Variants in NSD3 observed in about 807,000 individuals in gnomAD.
NSD3 encodes nuclear receptor binding SET domain protein 3.
In NSD3, 24 loss-of-function variants were observed where a neutral mutation model predicts 160.8. That is an observed-to-expected ratio of 0.15 (90% confidence interval 0.11 to 0.21). The LOEUF (loss-of-function observed/expected upper bound fraction) is 0.21. Ranked by LOEUF, NSD3 falls within the 10% of genes least tolerant of loss-of-function variation. The pLI, the probability that NSD3 is intolerant of heterozygous loss-of-function variation, is 1.00. For synonymous variants in NSD3, 520 were observed against 600.0 expected, an observed-to-expected ratio of 0.87 and a Z score of 1.95; for missense variants, 1,157 against 1,735.9, an observed-to-expected ratio of 0.67 and a Z score of 5.93.
chr8:38,287,153 A>G (rs1019194729), intron 19 of NSD3, among the ~76,000 whole-genome samples: 3 of 152,240 alleles, frequency 2.0e-5, no homozygotes, highest in African/African-American at 7.2e-5. Flanking sequence ...GACCTACAGA[A>G]ATAGATGCAC....
chr8:38,343,519 A>G (rs976778604), intron 2 of NSD3, among the ~76,000 whole-genome samples: 1 of 152,188 alleles, frequency 6.6e-6, no homozygotes. Flanking sequence ...CCTGGCCAAC[A>G]TAATGAAACC....
At chr8:38,374,330 C>T (rs1811334809) in intron 1 of NSD3, among the ~76,000 whole-genome samples, 1 of 151,948 alleles carries the variant, frequency 6.6e-6, no homozygotes, top group Admixed American at 6.6e-5. Flanking sequence ...ATGTATATAA[C>T]TTACACCAAA....
chr8:38,331,827 T>TCAAAACAAAA (rs150155803), intron 4 of NSD3, among the ~76,000 whole-genome samples: 16 of 152,198 alleles, frequency 1.1e-4, no homozygotes, highest in African/African-American at 3.6e-4. Context: ...GACTCTTGTC[T>TCAAAACAAAA]CAAAACAAAA....
chr8:38,314,364 C>G (rs1473273672), intron 12 of NSD3, among the ~76,000 whole-genome samples: 1 of 152,184 alleles, frequency 6.6e-6, no homozygotes, highest in Non-Finnish European at 1.5e-5. Context: ...TCAAATCCAT[C>G]TGAAAAATAA....
intron 7 of NSD3, among the ~76,000 whole-genome samples, chr8:38,323,517 T>C (rs767260508): frequency 2.6e-5 from 4 of 151,942 alleles, no homozygotes; most frequent in Non-Finnish European, 5.9e-5. Flanking sequence ...GAAAATACTA[T>C]ATAAAAAGAA....
chr8:38,289,620 T>C (rs1808951580), intron 17 of NSD3, 115 bp from the exon 18 acceptor site: 2 of 935,368 alleles, frequency 2.1e-6, no homozygotes, highest in Non-Finnish European at 3.2e-6. Flanking sequence ...ATTTTTCTTT[T>C]TAGAATTATT....
chr8:38,300,391 C>T (rs368787786), intron 14 of NSD3, among the ~76,000 whole-genome samples: 11 of 152,218 alleles, frequency 7.2e-5, no homozygotes, highest in African/African-American at 2.2e-4. Context: ...TGGTCTCTAA[C>T]TTCTAGCCTT....
chr8:38,346,606 G>A (rs941232600), intron 2 of NSD3, among the ~76,000 whole-genome samples: 1 of 151,820 alleles, frequency 6.6e-6, no homozygotes, highest in Admixed American at 6.6e-5. Flanking sequence ...TAAAAAGTGA[G>A]AAAACATGTT....
intron 12 of NSD3, 86 bp downstream of exon 12, chr8:38,314,561 C>G: frequency 1.3e-6 from 2 of 1,550,338 alleles, no homozygotes; most frequent in Non-Finnish European, 1.8e-6. Context: ...GTGATGGGAA[C>G]AAGATGTCCT....
At chr8:38,352,763 C>G (rs1810734176) in intron 1 of NSD3, among the ~76,000 whole-genome samples, 1 of 151,996 alleles carries the variant, frequency 6.6e-6, no homozygotes, top group Non-Finnish European at 1.5e-5. Context: ...ATGCGCCACA[C>G]CTGGCTAATT....
intron 21 of NSD3, among the ~76,000 whole-genome samples, 187 bp from the exon 22 acceptor site, chr8:38,278,599 G>A (rs548906186): frequency 1.8e-4 from 28 of 152,220 alleles, no homozygotes; most frequent in South Asian, 8.3e-4. Context: ...CCCCACCCAG[G>A]AACAATGACA....
intron 15 of NSD3, among the ~76,000 whole-genome samples, chr8:38,298,530 CTGTGTGTGTGTG>C (rs143129228): frequency 3.9e-4 from 57 of 145,512 alleles, no homozygotes; most frequent in African/African-American, 1.4e-3. Flanking sequence ...AATACACCTA[CTGTGTGTGTGTG>C]TGTGTGTGTG....
At chr8:38,372,536 C>G (rs977070164) in intron 1 of NSD3, among the ~76,000 whole-genome samples, 3 of 150,414 alleles carry the variant, frequency 2.0e-5, no homozygotes, top group Non-Finnish European at 4.4e-5. Context: ...GCTCTTTCGC[C>G]CAGGCTGGCG....
At chr8:38,333,453 A>G (rs990709256) in intron 4 of NSD3, among the ~76,000 whole-genome samples, 2 of 152,268 alleles carry the variant, frequency 1.3e-5, no homozygotes, top group African/African-American at 4.8e-5. Flanking sequence ...AAATAATAAA[A>G]TACAACTTAA....
In NSD3 at chr8:38,317,666, C is replaced by A. The variant is rs994232424; in HGVS notation, c.1855+1229G>T. 12 of 1,216,682 alleles carry A rather than the reference C, an allele frequency of 9.9e-6. No homozygotes were observed. The South Asian group carries it at 1.8e-4, about 18-fold the overall frequency. 75.4% of individuals were successfully genotyped at this position (1,216,682 alleles called of 1,614,324 possible). A position where few individuals can be genotyped will look rare whatever the true frequency, so the allele number is the denominator to read the frequency against. ...TGATGCTTTATTTAAAAACAAAAAACCAAAAACAGTCCATGTTGAAATTGA... is the reference window on the plus strand; with the variant it reads ...TGATGCTTTATTTAAAAACAAAAAAACAAAAACAGTCCATGTTGAAATTGA... On this transcript the variant is annotated intron_variant, in intron 9 of 23. Transcript: ENST00000317025. The surrounding 1 kb of genome is among the most constrained non-coding windows in gnomAD (Gnocchi z 5.3).
intron 12 of NSD3, among the ~76,000 whole-genome samples, chr8:38,311,568 C>T (rs943442383): frequency 1.3e-5 from 2 of 152,096 alleles, no homozygotes; most frequent in Admixed American, 6.6e-5. Flanking sequence ...TCAGGTGATC[C>T]GCCCAACTCA....
In NSD3 at chr8:38,321,222, G is replaced by A. The variant is rs776811388; in HGVS notation, c.1709-50C>T. On this transcript the variant is annotated intron_variant, in intron 7 of 23. Transcript: ENST00000317025. The surrounding 1 kb of genome is among the most constrained non-coding windows in gnomAD (Gnocchi z 4.7). ...ACAAAAACTCACTTAAGGATACCTT[G>A]ACATCTATGTAATTAAGATATGACC... 64 of 1,472,604 alleles carry A rather than the reference G, an allele frequency of 4.3e-5. No individual in the cohort carries two copies. Among genetic ancestry groups the A allele is most frequent in the Non-Finnish European group, 5.3e-5 (57 of 1,071,378 alleles). 91.2% of individuals were successfully genotyped at this position (1,472,604 alleles called of 1,614,324 possible).
At chr8:38,307,971 A>C (rs989392268) in intron 12 of NSD3, among the ~76,000 whole-genome samples, 3 of 152,248 alleles carry the variant, frequency 2.0e-5, no homozygotes, top group African/African-American at 7.2e-5. Context: ...AGAGTCAATA[A>C]AGATACAGAA....
intron 1 of NSD3, among the ~76,000 whole-genome samples, chr8:38,369,063 T>C (rs1247729682): frequency 6.6e-6 from 1 of 152,206 alleles, no homozygotes; most frequent in Admixed American, 6.5e-5. Flanking sequence ...ATGTAGTTTT[T>C]AAGGCACTAA....
Sources: allele counts gnomAD v4.1 joint callset (sites outside exome capture counted in the v4.1 genomes callset), GRCh38; gene constraint gnomAD v4.1.1; non-coding constraint Gnocchi (gnomAD v3.1); transcripts MANE v1.5; gene names NCBI Gene and HGNC (gene_info 2026-07-23, HGNC 2026-07-21).